HEATR4: variants seen among roughly 807,000 people sequenced by gnomAD.
HEATR4 encodes the protein HEAT repeat-containing protein 4.
In HEATR4, 95 loss-of-function variants were observed where a neutral mutation model predicts 108.8. The observed-to-expected ratio is 0.87, with a 90% CI of 0.74 to 1.04. The LOEUF is 1.04. Among genes scored for constraint, HEATR4 ranks in the 50% least tolerant of loss-of-function variants. The pLI is 0.00. For missense variants in HEATR4, 1,152 were observed against 1,253.8 expected (o/e 0.92, Z 1.23); for synonymous variants, 443 against 459.4 (o/e 0.96, Z 0.46).
chr14:73,515,213 A>G (rs908120052), intron 5 of HEATR4, among the ~76,000 whole-genome samples: 2 of 152,200 alleles, frequency 1.3e-5, no homozygotes, highest in Admixed American at 1.3e-4. Flanking sequence ...TTCCAGATGT[A>G]CTAAATTCAT....
the HEATR4 span, chr14:73,617,205 G>A: frequency 5.6e-6 from 9 of 1,614,034 alleles, no homozygotes; most frequent in East Asian, 1.6e-4. Flanking sequence ...GCGTTCTGGT[G>A]ATCACCTGAG....
chr14:73,510,059 C>T (rs1032502212), intron 7 of HEATR4, among the ~76,000 whole-genome samples: 9 of 150,368 alleles, frequency 6.0e-5, no homozygotes, highest in South Asian at 4.2e-4. Flanking sequence ...GATGGGATTT[C>T]ACCGTGTTAG....
chr14:73,593,966 C>G, the HEATR4 span: 4 of 1,425,576 alleles, frequency 2.8e-6, no homozygotes, highest in Non-Finnish European at 3.8e-6. Context: ...AGAGTGTAAC[C>G]TTTACCACGT....
At position 73,512,012 on chromosome 14, in the gene HEATR4, C is replaced by T; in HGVS notation, c.1552G>A (p.Asp518Asn). The T allele has an allele frequency of 6.2e-7, 1 of 1,613,946 alleles. No individual in the cohort carries two copies. Among genetic ancestry groups the T allele is most frequent in the Non-Finnish European group, 8.5e-7 (1 of 1,179,906 alleles). ...ERPRIATSQR[D>N]SDKTIQDLPE... is the part of the protein sequence containing the mutation. ...GTTCAGCTTTGGCTCTCACCTGAGTCTCTCTGGCTGGTGGCAATCCGGGGC... is the reference window on the plus strand; with the variant it reads ...GTTCAGCTTTGGCTCTCACCTGAGTTTCTCTGGCTGGTGGCAATCCGGGGC... The change falls in exon 7 of 18, where the codon GAC (aspartate) becomes AAC (asparagine). Residue 518 changes from aspartate (D) to asparagine (N), a missense_variant. By Grantham distance (23) the Asp-to-Asn change is conservative. Coordinates refer to ENST00000553558, the MANE Select transcript of HEATR4 (RefSeq NM_001220484.1).
rs1446559653 is a variant in HEATR4, at chr14:73,544,398, A to G, written c.-151-14154T>C. ...TTTGAGTTTCTCCTTTAAGAATGGA[A>G]GTTAACATCTTGCCTATAAACTGAT... On this transcript the variant is annotated intron_variant, in intron 1 of 17. Coordinates refer to ENST00000553558, the MANE Select transcript of HEATR4 (RefSeq NM_001220484.1). Among the ~76,000 whole-genome samples the G allele has an allele frequency of 2.6e-5, 3 of 116,310 alleles. 1 individual carries two copies. The highest frequency in any genetic ancestry group is 5.6e-5 in the Non-Finnish European group (3 of 53,156). The allele number at this position is 116,310 out of a possible 152,430, so 76.3% of individuals were successfully genotyped here. A position where few individuals can be genotyped will look rare whatever the true frequency, so the allele number is the denominator to read the frequency against.
chr14:73,614,285 A>T, the HEATR4 span, among the ~76,000 whole-genome samples: 3 of 152,204 alleles, frequency 2.0e-5, no homozygotes, highest in African/African-American at 7.2e-5. Flanking sequence ...CTCCAAAACA[A>T]GAAAACTTGC....
At chr14:73,581,171 A>G in the HEATR4 span, 2 of 145,450 alleles carry the variant, frequency 1.4e-5, no homozygotes, top group South Asian at 4.3e-4. Flanking sequence ...CACTTGTCTT[A>G]GTCTCTTCAA....
chr14:73,596,088 T>A, the HEATR4 span: 1 of 156,694 alleles, frequency 6.4e-6, no homozygotes, highest in Non-Finnish European at 1.4e-5. Flanking sequence ...GACCTTTTCA[T>A]TATAAACGTG....
At position 73,534,379 on chromosome 14, in the gene HEATR4, G is replaced by GAA. The variant is rs1243402800; in HGVS notation, c.-151-4137_-151-4136dup. 2.2e-5 allele frequency among the ~76,000 whole-genome samples: 2 copies of GAA among 91,906 alleles called. 1 individual carries two copies. The highest frequency in any genetic ancestry group is 7.0e-5 in the African/African-American group (2 of 28,528). 60.3% of individuals were successfully genotyped at this position (91,906 alleles called of 152,430 possible). A position where few individuals can be genotyped will look rare whatever the true frequency, so the allele number is the denominator to read the frequency against. On this transcript the variant is annotated intron_variant, in intron 1 of 17. Transcript: ENST00000553558. ...GGGCGACAGAGCAAGACTCTGTCTT[G>GAA]AAAAAAAAAAAAGAATTAAAAAAAG...
chr14:73,621,971 C>T, the HEATR4 span, among the ~76,000 whole-genome samples: 7 of 151,874 alleles, frequency 4.6e-5, no homozygotes, highest in East Asian at 1.9e-4. Flanking sequence ...TTACGTTGCC[C>T]GGGCTGGTCT....
the HEATR4 span, among the ~76,000 whole-genome samples, chr14:73,618,443 G>C: frequency 6.6e-6 from 1 of 151,134 alleles, no homozygotes; most frequent in African/African-American, 2.5e-5. Flanking sequence ...ACATATGTGT[G>C]AGAGGCCCCT....
chr14:73,575,176 C>A, the HEATR4 span: 1 of 1,136,414 alleles, frequency 8.8e-7, no homozygotes, highest in African/African-American at 1.9e-5. Context: ...AGCTTCATTC[C>A]TGTGGAAAGG....
chr14:73,619,397 T>G, the HEATR4 span: 2 of 1,614,176 alleles, frequency 1.2e-6, no homozygotes, highest in East Asian at 2.2e-5. Flanking sequence ...ATTCCTAAAC[T>G]TGTCGATGAT....
rs1888058898 is a variant in HEATR4, at chr14:73,522,827, C to T, written c.326G>A (p.Arg109Lys). The change falls in exon 3 of 18, where the codon AGG becomes AAG. Residue 109 changes from arginine to lysine, a missense_variant. Coordinates refer to ENST00000553558, the MANE Select transcript of HEATR4 (RefSeq NM_001220484.1). ...TNDIIHTPQIRKARPQKPVSF... is the reference protein window; with the variant it reads ...TNDIIHTPQIKKARPQKPVSF... ...AACAGGTTTCTGAGGCCGGGCCTTC[C>T]TGATCTGGGGAGTATGGATGATGTC... The T allele has an allele frequency of 6.2e-7, 1 of 1,614,088 alleles. No individual in the cohort carries two copies. The highest frequency in any genetic ancestry group is 1.1e-5 in the South Asian group (1 of 91,082).
chr14:73,588,345 A>T, the HEATR4 span, among the ~76,000 whole-genome samples: 1 of 152,066 alleles, frequency 6.6e-6, no homozygotes, highest in African/African-American at 2.4e-5. Context: ...CTAGATTTCA[A>T]AAAGCCATCA....
chr14:73,600,211 A>C, the HEATR4 span, among the ~76,000 whole-genome samples: 1 of 152,180 alleles, frequency 6.6e-6, no homozygotes, highest in African/African-American at 2.4e-5. Flanking sequence ...AACACACCGG[A>C]GAACACGCTG....
chr14:73,526,231 G>A (rs1888328367), intron 2 of HEATR4, among the ~76,000 whole-genome samples: 2 of 152,168 alleles, frequency 1.3e-5, no homozygotes, highest in Admixed American at 6.5e-5. Context: ...CACCCACAGA[G>A]GACACATTTA....
At chr14:73,570,494 G>GC in the HEATR4 span, among the ~76,000 whole-genome samples, 1 of 152,002 alleles carries the variant, frequency 6.6e-6, no homozygotes, top group African/African-American at 2.4e-5. Context: ...GTGTGAACCC[G>GC]GGAGGCAGAG....
At chr14:73,591,278 G>A in the HEATR4 span, among the ~76,000 whole-genome samples, 2 of 152,106 alleles carry the variant, frequency 1.3e-5, no homozygotes, top group Admixed American at 6.5e-5. Flanking sequence ...CGGGCGCAGC[G>A]GCTCACGCCT....
Sources: allele counts gnomAD v4.1 joint callset (sites outside exome capture counted in the v4.1 genomes callset), GRCh38; gene constraint gnomAD v4.1.1; transcripts MANE v1.5; gene names NCBI Gene and HGNC (gene_info 2026-07-23, HGNC 2026-07-21).